LRP1: variants seen among roughly 807,000 people sequenced by gnomAD.
The protein encoded by LRP1 is prolow-density lipoprotein receptor-related protein 1.
Under a neutral mutation model 541.5 loss-of-function variants are expected in LRP1, and 51 were observed. The ratio of observed to expected loss-of-function variants is 0.09; its 90% CI spans 0.08 to 0.12. LRP1 has a LOEUF of 0.12. LRP1 is among the 10% of genes least tolerant of loss of function. LRP1 has a pLI of 1.00. For synonymous variants in LRP1, 2,219 were observed against 2,470.8 expected (o/e 0.90, Z 3.02); for missense variants, 3,878 against 6,376.2 (o/e 0.61, Z 13.34).
Position 57,183,956 on chromosome 12 carries a change from G to A in LRP1, c.5929+47G>A. On this transcript the variant is annotated intron_variant, in intron 36 of 88. Transcript: ENST00000243077. This position sits in a 1 kb window ranked among gnomAD's most constrained non-coding sequence, Gnocchi z 6.1. ...GGGGCTTGGGGTGTGGCAGAGGACT[G>A]GGGGACGAAGTGAGAGGAGGAGTTG... is the stretch of plus-strand genomic sequence containing the variant. 1 of 1,611,822 alleles carries A rather than the reference G, an allele frequency of 6.2e-7. No individual in the cohort carries two copies.
At position 57,143,731 on chromosome 12, in the gene LRP1, A is replaced by G; in HGVS notation, c.381A>G (p.Thr127=). The G allele has an allele frequency of 6.2e-7, 1 of 1,614,140 alleles. No individual in the cohort carries two copies. Among genetic ancestry groups the G allele is most frequent in the South Asian group, 1.1e-5 (1 of 91,074 alleles). Residue 127 remains threonine (T), a synonymous_variant, in exon 4 of 89, where the codon ACA becomes ACG. Transcript: ENST00000243077. ...RLGCQHHCVP[T]LDGPTCYCNS... The stretch of plus-strand genomic sequence containing the variant: ...GCTGCCAGCACCATTGTGTCCCCAC[A>G]CTCGATGGGCCCACCTGCTACTGCA...
At position 57,177,324 on chromosome 12, in the gene LRP1, C is replaced by T; in HGVS notation, c.4196+79C>T. On this transcript the variant is annotated intron_variant, in intron 25 of 88. Transcript: ENST00000243077. This position sits in a 1 kb window ranked among gnomAD's most constrained non-coding sequence, Gnocchi z 6.8. ...TCAGCCTGGCCAGGGACACCTTACT[C>T]CTCAGTGCCATCTGCCTCCTCCCAC... 1.9e-6 allele frequency: 3 copies of T among 1,571,790 alleles called. No homozygotes were observed. Among genetic ancestry groups the T allele is most frequent in the Middle Eastern group, 2.1e-4 (1 of 4,800 alleles).
chr12:57,191,162 G>A (rs1353957378), intron 43 of LRP1, among the ~76,000 whole-genome samples, 153 bp downstream of exon 43: 3 of 152,180 alleles, frequency 2.0e-5, no homozygotes, highest in Non-Finnish European at 4.4e-5. Context: ...ACCCCACCCT[G>A]TCCAGCTTGC....
chr12:57,198,740 A>G, intron 60 of LRP1, 70 bp downstream of exon 60: 5 of 1,437,862 alleles, frequency 3.5e-6, no homozygotes, highest in Non-Finnish European at 2.9e-6. Flanking sequence ...GCGACAGGGG[A>G]TCAAGTTTTG....
In LRP1 at chr12:57,197,255, C is replaced by T. The variant is rs200898536; in HGVS notation, c.9077-44C>T. 2.0e-4 allele frequency: 327 copies of T among 1,612,314 alleles called. 2 individuals are homozygous for T. The East Asian group carries it at 2.7e-3, about 13-fold the overall frequency. On this transcript the variant is annotated intron_variant, in intron 56 of 88. Transcript: ENST00000243077. The surrounding 1 kb of genome is among the most constrained non-coding windows in gnomAD (Gnocchi z 4.5). The stretch of plus-strand genomic sequence containing the variant: ...CTCCAGACAGGCAGGAGACCAGGGC[C>T]GCTAGAATGTGCCAGGAGCTGAGGC...
At position 57,178,890 on chromosome 12, in the gene LRP1, C is replaced by T; in HGVS notation, c.4607C>T (p.Ala1536Val). The T allele has an allele frequency of 6.2e-7, 1 of 1,611,544 alleles. No homozygotes were observed. Among genetic ancestry groups the T allele is most frequent in the Non-Finnish European group, 8.5e-7 (1 of 1,179,222 alleles). ...QVYHPSRQPM[A>V]PNPCEANGGQ... ...CTTCTCTTCTCCACCCTGCCCCCAG[C>T]TCCCAATCCCTGTGAGGCCAATGGG... The change falls in exon 28 of 89, where the codon GCT (alanine) becomes GTT (valine). Residue 1536 changes from alanine (A) to valine (V), a missense_variant and splice_region_variant. Physicochemically the swap from Ala to Val is moderately conservative, Grantham distance 64. This residue lies in a region of LRP1 where 54 missense variants were observed against 167.7 expected (regional missense o/e 0.32). Transcript: ENST00000243077. This position sits in a 1 kb window ranked among gnomAD's most constrained non-coding sequence, Gnocchi z 5.8.
intron 68 of LRP1, 192 bp from the exon 69 acceptor site, chr12:57,202,989 C>G (rs978966753): frequency 1.0e-5 from 6 of 586,056 alleles, no homozygotes; most frequent in Non-Finnish European, 1.8e-5. Flanking sequence ...GGGGTAAGTG[C>G]GAGCCCGCCT....
chr12:57,178,650 CT>C lies in LRP1; in HGVS notation c.4606+50del. 6.2e-7 allele frequency: 1 copy of C among 1,611,584 alleles called. No homozygotes were observed. The highest frequency in any genetic ancestry group is 8.5e-7 in the Non-Finnish European group (1 of 1,178,468). ...GCAGCCGGAAGGGAGCCAGCAGCCT[CT>C]TTAGAAGCTGTAGAAGCTCTTAGGA... On this transcript the variant is annotated intron_variant, in intron 27 of 88. Coordinates refer to ENST00000243077, the MANE Select transcript of LRP1 (RefSeq NM_002332.3). The surrounding 1 kb of genome is among the most constrained non-coding windows in gnomAD (Gnocchi z 5.8).
At chr12:57,139,271 T>C (rs2035238443) in intron 2 of LRP1, among the ~76,000 whole-genome samples, 1 of 151,942 alleles carries the variant, frequency 6.6e-6, no homozygotes, top group South Asian at 2.1e-4. Context: ...TCCGTCTCTG[T>C]TCTCTCTCTT....
chr12:57,209,235 G>A, intron 79 of LRP1, 36 bp downstream of exon 79: 1 of 1,548,830 alleles, frequency 6.5e-7, no homozygotes, highest in Non-Finnish European at 8.9e-7. Flanking sequence ...CCCCAGCCCT[G>A]TCCCCAGCCT....
Position 57,154,102 on chromosome 12 carries a change from G to T in LRP1, c.842-106G>T, listed in dbSNP as rs555117081. 9.6e-5 allele frequency: 100 copies of T among 1,043,988 alleles called. No homozygotes were observed. The African/African-American group carries it at 1.5e-3, about 16-fold the overall frequency. 64.7% of individuals were successfully genotyped at this position (1,043,988 alleles called of 1,614,324 possible). A position where few individuals can be genotyped will look rare whatever the true frequency, so the allele number is the denominator to read the frequency against. On this transcript the variant is annotated intron_variant, in intron 6 of 88. Transcript: ENST00000243077. This position sits in a 1 kb window ranked among gnomAD's most constrained non-coding sequence, Gnocchi z 4.6. ...GCATGGGGGTGTTGGGTGGGAGGGC[G>T]TCCAGAGAAGGTGGGCTTCCAGGTG...
rs1224153549 is a variant in LRP1, at chr12:57,211,826, G to T, written c.13258+12G>T. On this transcript the variant is annotated intron_variant, in intron 86 of 88. Transcript: ENST00000243077. The surrounding 1 kb of genome is among the most constrained non-coding windows in gnomAD (Gnocchi z 4.3). ...GCAGCAGCCAGGACGTAGGTGGCAG[G>T]GGTTGGGGCAGGCAGGGCCACCGGG... 1.9e-6 allele frequency: 3 copies of T among 1,612,834 alleles called. No individual in the cohort carries two copies. In the South Asian group the frequency reaches 3.3e-5, roughly 18 times the overall value.
chr12:57,199,151 G>A (rs2036595594), intron 60 of LRP1, 61 bp from the exon 61 acceptor site: 1 of 1,525,354 alleles, frequency 6.6e-7, no homozygotes, highest in South Asian at 1.1e-5. Context: ...GAGGTGGAGT[G>A]GGCCGGCACC....
chr12:57,156,738 G>T lies in LRP1; in HGVS notation c.1418-39G>T. On this transcript the variant is annotated intron_variant, in intron 9 of 88. Coordinates refer to ENST00000243077, the MANE Select transcript of LRP1 (RefSeq NM_002332.3). The surrounding 1 kb of genome is among the most constrained non-coding windows in gnomAD (Gnocchi z 5.2). ...AGCCTTCTCAAGGCCTGGCACAGGG[G>T]CTCTGAGGGGTCCTAACAGCTCTTC... 6.4e-7 allele frequency: 1 copy of T among 1,573,078 alleles called. No homozygotes were observed. The highest frequency in any genetic ancestry group is 2.1e-4 in the Middle Eastern group (1 of 4,746).
intron 43 of LRP1, 52 bp downstream of exon 43, chr12:57,191,061 C>A: frequency 1.3e-6 from 2 of 1,541,570 alleles, no homozygotes; most frequent in Non-Finnish European, 1.8e-6. Context: ...AGGCCAGGGC[C>A]AGGGTCAGCC....
rs140226892 is a variant in LRP1 at position 57,193,915 on chromosome 12, G to A, written c.7821G>A (p.Val2607=). Residue 2607 remains valine, a synonymous_variant, in exon 48 of 89, where the codon GTG becomes GTA. Transcript: ENST00000243077. ...CTGTTCTAGAGACAGCCTGTGGTGT[G>A]GGCGAGTTCCGCTGCCGGGACGGGA... The part of the protein sequence containing the change: ...EIPCNKTACG[V]GEFRCRDGTC... 81 of 1,613,968 alleles carry A rather than the reference G, an allele frequency of 5.0e-5. No homozygotes were observed. The highest frequency in any genetic ancestry group is 2.3e-4 in the Admixed American group (14 of 60,002).
rs1171883322 is a variant in LRP1 at position 57,185,235 on chromosome 12, G to C, written c.6463+30G>C. ...GGCTGGGGCTCTGGGCTGGGGTGGA[G>C]AGGTGAGGGGGACTCTGGCCTGGGA... On this transcript the variant is annotated intron_variant, in intron 40 of 88. Coordinates refer to ENST00000243077, the MANE Select transcript of LRP1 (RefSeq NM_002332.3). This position sits in a 1 kb window ranked among gnomAD's most constrained non-coding sequence, Gnocchi z 4.9. 6.2e-7 allele frequency: 1 copy of C among 1,612,834 alleles called. No homozygotes were observed. The highest frequency in any genetic ancestry group is 1.3e-5 in the African/African-American group (1 of 74,878).
At position 57,165,562 on chromosome 12, in the gene LRP1, A is replaced by AT. The variant is rs1223297211; in HGVS notation, c.2531-240dup. On this transcript the variant is annotated intron_variant, in intron 15 of 88. Coordinates refer to ENST00000243077, the MANE Select transcript of LRP1 (RefSeq NM_002332.3). The surrounding 1 kb of genome is among the most constrained non-coding windows in gnomAD (Gnocchi z 4.5). ...GAGGCCATGGGCTCTCTTGGACACC[A>AT]TTTGATTCTCAGGTCACACTGAAGT... 2.1e-6 allele frequency: 1 copy of AT among 487,760 alleles called. No homozygotes were observed. Among genetic ancestry groups the AT allele is most frequent in the African/African-American group, 1.9e-5 (1 of 51,714 alleles). 30.2% of individuals were successfully genotyped at this position (487,760 alleles called of 1,614,324 possible). A position where few individuals can be genotyped will look rare whatever the true frequency, so the allele number is the denominator to read the frequency against.
Position 57,169,226 on chromosome 12 carries a change from A to G in LRP1, c.3082A>G (p.Ile1028Val), listed in dbSNP as rs1444606351. 3 of 1,613,900 alleles carry G rather than the reference A, an allele frequency of 1.9e-6. No homozygotes were observed. Among genetic ancestry groups the G allele is most frequent in the African/African-American group, 1.3e-5 (1 of 74,926 alleles). ...TQFKCNSGRCIPEHWTCDGDN... is the reference protein window; with the variant it reads ...TQFKCNSGRCVPEHWTCDGDN... ...GTTCAAGTGCAACAGCGGGCGTTGC[A>G]TCCCCGAGCACTGGACCTGCGATGG... is the stretch of plus-strand genomic sequence containing the variant. The change falls in exon 20 of 89, where the codon ATC becomes GTC. Residue 1028 changes from isoleucine to valine, a missense_variant. By Grantham distance (29) the Ile-to-Val change is conservative. Coordinates refer to ENST00000243077, the MANE Select transcript of LRP1 (RefSeq NM_002332.3).
Sources: allele counts gnomAD v4.1 joint callset (sites outside exome capture counted in the v4.1 genomes callset), GRCh38; gene constraint gnomAD v4.1.1; regional missense constraint gnomAD v4.1.1; non-coding constraint Gnocchi (gnomAD v3.1); transcripts MANE v1.5; gene names NCBI Gene and HGNC (gene_info 2026-07-23, HGNC 2026-07-21).